ITGA9: variants seen among roughly 807,000 people sequenced by gnomAD.
ITGA9 encodes the protein integrin subunit alpha 9.
In ITGA9, 56 loss-of-function variants were observed where a neutral mutation model predicts 127.8. The observed-to-expected ratio is 0.44, with a 90% CI of 0.35 to 0.55. The LOEUF is 0.55. ITGA9 is among the 20% of genes least tolerant of loss of function. The pLI is 0.00. For synonymous variants in ITGA9, 508 were observed against 514.5 expected, an observed-to-expected ratio of 0.99 and a Z score of 0.17; for missense variants, 1,196 against 1,347.1, an observed-to-expected ratio of 0.89 and a Z score of 1.76.
chr3:37,577,404 G>T (rs1471516861), intron 15 of ITGA9, among the ~76,000 whole-genome samples: 1 of 152,078 alleles, frequency 6.6e-6, no homozygotes, highest in Non-Finnish European at 1.5e-5. Context: ...GAGTGGTGTT[G>T]GCACCTTCAT....
At chr3:37,568,029 T>G (rs1363697439) in intron 15 of ITGA9, among the ~76,000 whole-genome samples, 2 of 152,228 alleles carry the variant, frequency 1.3e-5, no homozygotes, top group Admixed American at 6.5e-5. Flanking sequence ...CACATTTCCC[T>G]TCCACACTGT....
intron 4 of ITGA9, among the ~76,000 whole-genome samples, chr3:37,493,062 A>G (rs1698688776): frequency 6.6e-6 from 1 of 151,174 alleles, no homozygotes; most frequent in Admixed American, 6.6e-5. Context: ...TCCTTATAAT[A>G]ACCGGACAAG....
At chr3:37,537,099 G>C (rs187719011) in intron 14 of ITGA9, among the ~76,000 whole-genome samples, 1 of 152,188 alleles carries the variant, frequency 6.6e-6, no homozygotes, top group Admixed American at 6.5e-5. Context: ...CACTTCCTTG[G>C]GGTTATCAGA....
At chr3:37,698,152 C>G (rs1348656624) in intron 18 of ITGA9, among the ~76,000 whole-genome samples, 1 of 152,208 alleles carries the variant, frequency 6.6e-6, no homozygotes. Context: ...AGTGTCTGTT[C>G]ATATCCTTTG....
intron 23 of ITGA9, among the ~76,000 whole-genome samples, chr3:37,761,993 A>C (rs1355029446): frequency 6.6e-6 from 1 of 152,252 alleles, no homozygotes; most frequent in East Asian, 1.9e-4. Context: ...TTTAATCAAG[A>C]AATAACCATT....
chr3:37,803,909 C>T lies in ITGA9; in HGVS notation c.2976C>T (p.Leu992=). The T allele has an allele frequency of 6.2e-7, 1 of 1,614,198 alleles. No individual in the cohort carries two copies. The highest frequency in any genetic ancestry group is 1.1e-5 in the South Asian group (1 of 91,086). Residue 992 remains leucine, a synonymous_variant, in exon 27 of 28, where the codon CTC becomes CTT. Transcript: ENST00000264741. ...IIAISLLVGI[L]IFLLLAVLLW... The stretch of plus-strand genomic sequence containing the variant: ...CCATCAGTTTGTTGGTGGGAATCCT[C>T]ATCTTCCTGCTGCTGGCCGTGCTGC...
chr3:37,681,102 C>G (rs570185280), intron 17 of ITGA9, among the ~76,000 whole-genome samples: 29 of 152,264 alleles, frequency 1.9e-4, no homozygotes, highest in Admixed American at 1.8e-3. Context: ...ATTAGTATTT[C>G]AAAGTATTTT....
In ITGA9 at chr3:37,822,736, A is replaced by G. The variant is rs976383974; in HGVS notation, c.*3747A>G. ...GATCCCCAGACGATCCGTGTGCTGT[A>G]TGCTACCTGTTGAACCCTAGCATGG... On this transcript the variant is annotated 3_prime_UTR_variant, in exon 28 of 28. Transcript: ENST00000264741. The G allele has an allele frequency of 2.0e-5, 3 of 152,244 alleles. No homozygotes were observed. The highest frequency in any genetic ancestry group is 2.9e-5 in the Non-Finnish European group (2 of 68,048). The allele number at this position is 152,244 out of a possible 1,614,324, so 9.4% of individuals were successfully genotyped here. A position where few individuals can be genotyped will look rare whatever the true frequency, so the allele number is the denominator to read the frequency against.
At chr3:37,624,315 G>C (rs957317498) in intron 15 of ITGA9, among the ~76,000 whole-genome samples, 9 of 149,420 alleles carry the variant, frequency 6.0e-5, no homozygotes, top group Non-Finnish European at 1.0e-4. Flanking sequence ...TCGGGTCATA[G>C]AGTGAGGGTG....
In ITGA9 at chr3:37,738,373, T is replaced by A. The variant is rs141555242; in HGVS notation, c.2234+1390T>A. Among the ~76,000 whole-genome samples, 1,410 of 152,224 alleles carry A rather than the reference T, an allele frequency of 9.3e-3. 78 individuals carry two copies. Among genetic ancestry groups the A allele is most frequent in the Admixed American group, 0.086 (1,308 of 15,292 alleles). On this transcript the variant is annotated intron_variant, in intron 20 of 27. Transcript: ENST00000264741. ...AGAAGCCCTGTTACACCTGTGTAGG[T>A]GGTGGGCACGAGAGTGTACTGGGGA...
chr3:37,519,811 G>A (rs1256023335), intron 11 of ITGA9, among the ~76,000 whole-genome samples: 2 of 152,240 alleles, frequency 1.3e-5, no homozygotes, highest in African/African-American at 4.8e-5. Context: ...CTCTGCGCTT[G>A]CGCCCTATAC....
chr3:37,769,263 G>A (rs577500265), intron 23 of ITGA9, among the ~76,000 whole-genome samples: 5 of 151,204 alleles, frequency 3.3e-5, no homozygotes, highest in South Asian at 2.1e-4. Context: ...GCTTGAACCC[G>A]GAAGGCAGAG....
rs911514480 is a variant in ITGA9, at chr3:37,471,914, C to T, written c.313+780C>T. On this transcript the variant is annotated intron_variant, in intron 2 of 27. Transcript: ENST00000264741. ...ACTAAAAATACAAATATTAGCTGAA[C>T]GTGGTGATGCATGCCTGTAGTCCCA... Among the ~76,000 whole-genome samples the T allele has an allele frequency of 9.9e-5, 15 of 152,094 alleles. No individual in the cohort carries two copies. In the East Asian group the frequency reaches 1.5e-3, roughly 16 times the overall value.
At chr3:37,750,639 C>T in intron 23 of ITGA9, 70 bp downstream of exon 23, 2 of 1,040,924 alleles carry the variant, frequency 1.9e-6, no homozygotes, top group South Asian at 2.5e-5. Flanking sequence ...TGTATTCCAC[C>T]CTACCCTGAC....
chr3:37,667,482 G>C (rs186125975), intron 17 of ITGA9, among the ~76,000 whole-genome samples: 2 of 152,338 alleles, frequency 1.3e-5, no homozygotes, highest in Admixed American at 1.3e-4. Context: ...CACGTCCACA[G>C]GCAGAGAGGA....
At chr3:37,577,863 GC>G (rs1243895447) in intron 15 of ITGA9, among the ~76,000 whole-genome samples, 1 of 152,158 alleles carries the variant, frequency 6.6e-6, no homozygotes, top group African/African-American at 2.4e-5. Flanking sequence ...TAGAAATAGA[GC>G]CCTTTATGAT....
At chr3:37,748,677 G>C in intron 22 of ITGA9, 2 of 534,910 alleles carry the variant, frequency 3.7e-6, no homozygotes, top group Non-Finnish European at 6.6e-6. Flanking sequence ...GAATCCAGGA[G>C]GTGGAAGTTG....
chr3:37,700,427 C>A (rs575780770), intron 18 of ITGA9, among the ~76,000 whole-genome samples: 20 of 152,254 alleles, frequency 1.3e-4, no homozygotes, highest in African/African-American at 3.6e-4. Context: ...GATCTTGGCT[C>A]ACTGCAACCT....
chr3:37,656,903 G>A (rs190779845), intron 17 of ITGA9, among the ~76,000 whole-genome samples: 6 of 151,932 alleles, frequency 3.9e-5, no homozygotes, highest in Non-Finnish European at 7.4e-5. Context: ...GCATGAAGGG[G>A]TGTTGAATTT....
Sources: gnomAD v4.1 joint callset for allele counts (sites outside exome capture counted in the v4.1 genomes callset) on GRCh38, gnomAD v4.1.1 for gene constraint, MANE v1.5 for transcripts, NCBI Gene and HGNC (gene_info 2026-07-23, HGNC 2026-07-21) for gene names.